SKIL: variants seen among roughly 807,000 people sequenced by gnomAD.
SKIL encodes ski-like protein.
Under a neutral mutation model 69.6 loss-of-function variants are expected in SKIL, and 20 were observed. The observed-to-expected ratio is 0.29, with a 90% CI of 0.20 to 0.42. The LOEUF (loss-of-function observed/expected upper bound fraction) is 0.42. Among genes scored for constraint, SKIL ranks in the 10% least tolerant of loss-of-function variants. The pLI is 1.00. For missense variants in SKIL, 745 were observed against 783.1 expected (o/e 0.95, Z 0.58); for synonymous variants, 310 against 279.9 (o/e 1.11, Z -1.08).
intron 2 of SKIL, among the ~76,000 whole-genome samples, chr3:170,372,739 A>G (rs1032641172): frequency 3.3e-5 from 5 of 152,134 alleles, no homozygotes; most frequent in African/African-American, 1.2e-4. Flanking sequence ...CCCTGATGAG[A>G]TATATTCACT....
chr3:170,375,615 C>A (rs1303022549), intron 2 of SKIL, among the ~76,000 whole-genome samples: 1 of 152,084 alleles, frequency 6.6e-6, no homozygotes, highest in African/African-American at 2.4e-5. Context: ...ACACTGTTGC[C>A]TAGGCTGCAG....
intron 2 of SKIL, among the ~76,000 whole-genome samples, chr3:170,380,480 T>TA (rs1737278732): frequency 6.6e-6 from 1 of 151,952 alleles, no homozygotes; most frequent in Non-Finnish European, 1.5e-5. Flanking sequence ...CAATCTCTAC[T>TA]AAGAATACAA....
rs139964642 is a variant in SKIL at position 170,365,941 on chromosome 3, A to G, written c.1098+4512A>G. ...CAGCTAATTTTTTTATTTTTAGTCC[A>G]GACGGGGTTTCACCATGCTGGCCAG... On this transcript the variant is annotated intron_variant, in intron 2 of 6. Transcript: ENST00000259119. 3.6e-4 allele frequency among the ~76,000 whole-genome samples: 55 copies of G among 151,964 alleles called. No homozygotes were observed. The East Asian group carries it at 0.01, about 29-fold the overall frequency.
intron 3 of SKIL, among the ~76,000 whole-genome samples, chr3:170,384,211 C>G (rs541543374): frequency 1.3e-5 from 2 of 152,000 alleles, no homozygotes; most frequent in Non-Finnish European, 2.9e-5. Context: ...ATGTGTGGTC[C>G]CAGCTACCTG....
intron 2 of SKIL, among the ~76,000 whole-genome samples, chr3:170,364,345 CAG>C (rs1736397226): frequency 2.4e-5 from 2 of 83,830 alleles, no homozygotes; most frequent in Admixed American, 1.9e-4. Flanking sequence ...TTTTTTGAGA[CAG>C]AGTTTCGCTC....
At chr3:170,363,545 G>A (rs147524522) in intron 2 of SKIL, among the ~76,000 whole-genome samples, 1 of 151,924 alleles carries the variant, frequency 6.6e-6, no homozygotes, top group Non-Finnish European at 1.5e-5. Context: ...GAGCTCAGTG[G>A]CGCGATCTTG....
intron 4 of SKIL, among the ~76,000 whole-genome samples, chr3:170,387,957 A>AG (rs1737733761): frequency 1.3e-5 from 2 of 148,590 alleles, no homozygotes; most frequent in African/African-American, 4.9e-5. Flanking sequence ...AAAAAAAAAA[A>AG]GAATAATGCT....
chr3:170,382,016 A>T (rs1737379662), intron 3 of SKIL, among the ~76,000 whole-genome samples: 1 of 152,010 alleles, frequency 6.6e-6, no homozygotes, highest in African/African-American at 2.4e-5. Flanking sequence ...TGGGAGGCAG[A>T]GCTTGCAGTG....
At position 170,391,024 on chromosome 3, in the gene SKIL, TTTACA is replaced by T. The variant is rs775734776; in HGVS notation, c.1672-6_1672-2del. On this transcript the variant is annotated splice_region_variant and splice_polypyrimidine_tract_variant and intron_variant, in intron 5 of 6. Transcript: ENST00000259119. ...TAAAGTAAAACTTGTATTGTGATTC[TTTACA>T]TTACAGGAAGTAAAAATGTTGAGTA... 11 of 1,375,960 alleles carry T rather than the reference TTTACA, an allele frequency of 8.0e-6. No homozygotes were observed. The Middle Eastern group carries it at 8.0e-4, about 101-fold the overall frequency. 85.2% of individuals were successfully genotyped at this position (1,375,960 alleles called of 1,614,324 possible).
chr3:170,360,445 A>G lies in SKIL; in HGVS notation c.114A>G (p.Ala38=), dbSNP rs1322577695. ...PAKKMITDIH[A]NGKTINKVPT... ...AAAAAATGATAACGGACATTCATGCAAATGGAAAAACGATAAACAAGGTGC... is the reference window on the plus strand; with the variant it reads ...AAAAAATGATAACGGACATTCATGCGAATGGAAAAACGATAAACAAGGTGC... The change falls in exon 2 of 7, where the codon GCA becomes GCG. Residue 38 remains alanine (A), a synonymous_variant. Transcript: ENST00000259119. 1 of 1,613,978 alleles carries G rather than the reference A, an allele frequency of 6.2e-7. No individual in the cohort carries two copies. The highest frequency in any genetic ancestry group is 8.5e-7 in the Non-Finnish European group (1 of 1,179,950).
rs547416275 is a variant in SKIL, at chr3:170,358,997, ACTC to A, written c.-633-699_-633-697del. On this transcript the variant is annotated intron_variant, in intron 1 of 6. Transcript: ENST00000259119. ...TTAGTTACATATGGTAGATATGTTA[ACTC>A]CTATCTGATTTTTTTGGATGAAACT... 1.1e-3 allele frequency among the ~76,000 whole-genome samples: 162 copies of A among 152,296 alleles called. 1 individual carries two copies. Among genetic ancestry groups the A allele is most frequent in the African/African-American group, 3.5e-3 (147 of 41,552 alleles).
intron 2 of SKIL, among the ~76,000 whole-genome samples, chr3:170,375,169 A>T (rs1055554892): frequency 6.6e-5 from 10 of 152,222 alleles, no homozygotes. Context: ...GAATTCAGAC[A>T]TTGGCTAGGG....
intron 3 of SKIL, among the ~76,000 whole-genome samples, chr3:170,383,540 G>T (rs1046912206): frequency 3.3e-5 from 5 of 152,148 alleles, no homozygotes; most frequent in African/African-American, 1.2e-4. Flanking sequence ...TCTCACATGA[G>T]TCTACTGGGC....
chr3:170,381,779 A>G (rs1197130382), intron 3 of SKIL, among the ~76,000 whole-genome samples: 1 of 151,980 alleles, frequency 6.6e-6, no homozygotes, highest in Non-Finnish European at 1.5e-5. Flanking sequence ...ATCATAGATT[A>G]TCTTTGAAAA....
At chr3:170,382,102 T>A (rs1260992226) in intron 3 of SKIL, among the ~76,000 whole-genome samples, 1 of 151,944 alleles carries the variant, frequency 6.6e-6, no homozygotes, top group African/African-American at 2.4e-5. Flanking sequence ...AAAAAGAAAA[T>A]TCAAAATTAT....
intron 1 of SKIL, among the ~76,000 whole-genome samples, chr3:170,358,171 C>A (rs767936338): frequency 7.2e-5 from 11 of 152,204 alleles, no homozygotes; most frequent in African/African-American, 2.7e-4. Context: ...CCGCGCCCGG[C>A]GCCTAAACTG....
rs1380520044 is a variant in SKIL, at chr3:170,391,245, T to A, written c.1881T>A (p.Ala627=). 6.3e-7 allele frequency: 1 copy of A among 1,597,012 alleles called. No individual in the cohort carries two copies. Among genetic ancestry groups the A allele is most frequent in the Admixed American group, 1.7e-5 (1 of 59,588 alleles). The change falls in exon 6 of 7, where the codon GCT becomes GCA. Residue 627 remains alanine (A), a synonymous_variant. Transcript: ENST00000259119. ...CAAATTTAGAAAAAGACAAAGAGGC[T>A]GAATATGCAGGACAGGTAAGAATTA... The part of the protein sequence containing the change: ...CDSNLEKDKE[A]EYAGQLAELR...
rs765067413 is a variant in SKIL at position 170,394,057 on chromosome 3, G to T, written c.*1640G>T. On this transcript the variant is annotated 3_prime_UTR_variant, in exon 7 of 7. Transcript: ENST00000259119. ...TGCTATATTAAGACTAATTTAATTC[G>T]TTGAGTCTTGGAATCTTCTCAAGGA... 6.7e-6 allele frequency: 1 copy of T among 148,794 alleles called. No homozygotes were observed. Among genetic ancestry groups the T allele is most frequent in the Non-Finnish European group, 1.5e-5 (1 of 67,450 alleles). 9.2% of individuals were successfully genotyped at this position (148,794 alleles called of 1,614,324 possible).
At chr3:170,370,179 C>T (rs994246867) in intron 2 of SKIL, among the ~76,000 whole-genome samples, 4 of 152,042 alleles carry the variant, frequency 2.6e-5, no homozygotes, top group Non-Finnish European at 5.9e-5. Context: ...GCGGAGCTTG[C>T]AGTGAGCCGA....
Sources: gnomAD v4.1 joint callset for allele counts (sites outside exome capture counted in the v4.1 genomes callset) on GRCh38, gnomAD v4.1.1 for gene constraint, MANE v1.5 for transcripts, NCBI Gene and HGNC (gene_info 2026-07-23, HGNC 2026-07-21) for gene names.